The following ZFPL1 variants were observed in gnomAD, a reference collection of about 807,000 sequenced individuals.
ZFPL1 encodes the protein zinc finger protein like 1.
In ZFPL1, 28 loss-of-function variants were observed where a neutral mutation model predicts 32.0. The observed-to-expected ratio is 0.87, with a 90% CI of 0.65 to 1.20. ZFPL1 has a LOEUF of 1.20. Ranked by LOEUF, ZFPL1 falls within the 50% of genes most tolerant of loss-of-function variation. ZFPL1 has a pLI of 0.00. For synonymous variants in ZFPL1, 165 were observed against 177.0 expected, an observed-to-expected ratio of 0.93 and a Z score of 0.54; for missense variants, 386 against 424.8, an observed-to-expected ratio of 0.91 and a Z score of 0.80.
At position 65,086,522 on chromosome 11, in the gene ZFPL1, A is replaced by G. The variant is rs774117167; in HGVS notation, c.322A>G (p.Thr108Ala). The change falls in exon 4 of 8, where the codon ACC becomes GCC. Residue 108 changes from threonine to alanine, a missense_variant. Physicochemically the swap from Thr to Ala is moderately conservative, Grantham distance 58. Transcript: ENST00000294258. ...PSCNGPIFPP[T>A]NLAGPVASAL... Reference sequence around the variant, plus strand: ...CTGCAATGGCCCCATCTTCCCCCCAACCAACCTGGCTGGCCCCGTGGCCTC... The same window carrying G: ...CTGCAATGGCCCCATCTTCCCCCCAGCCAACCTGGCTGGCCCCGTGGCCTC... 9 of 1,613,758 alleles carry G rather than the reference A, an allele frequency of 5.6e-6. No individual in the cohort carries two copies. Among genetic ancestry groups the G allele is most frequent in the Middle Eastern group, 1.6e-4 (1 of 6,082 alleles).
At chr11:65,084,595 G>A in intron 1 of ZFPL1, 96 bp from the exon 2 acceptor site, 9 of 961,102 alleles carry the variant, frequency 9.4e-6, no homozygotes, top group Non-Finnish European at 1.5e-5. Context: ...GAATATGAGA[G>A]GTGTCTGGGG....
chr11:65,086,538 CCGTG>C lies in ZFPL1; in HGVS notation c.339_342del (p.Val114ProfsTer4), dbSNP rs1304928810. The C allele has an allele frequency of 6.2e-7, 1 of 1,614,162 alleles. No individual in the cohort carries two copies. The highest frequency in any genetic ancestry group is 1.3e-5 in the African/African-American group (1 of 75,064). On this transcript the variant is annotated frameshift_variant, in exon 4 of 8. Transcript: ENST00000294258. LOFTEE classifies it high-confidence loss of function. ...TTCCCCCCAACCAACCTGGCTGGCC[CCGTG>C]GCCTCCGCACTGAGAGAGAAGCTGG...
chr11:65,084,693 T>C lies in ZFPL1; in HGVS notation c.-6T>C. 2 of 1,613,904 alleles carry C rather than the reference T, an allele frequency of 1.2e-6. No individual in the cohort carries two copies. Among genetic ancestry groups the C allele is most frequent in the Non-Finnish European group, 1.7e-6 (2 of 1,179,922 alleles). Reference sequence around the variant, plus strand: ...ACCAACTCATGCCCCTTTCCCAGGATCGATCATGGGGCTTTGTAAGTGCCC... The same window carrying C: ...ACCAACTCATGCCCCTTTCCCAGGACCGATCATGGGGCTTTGTAAGTGCCC... On this transcript the variant is annotated splice_region_variant and 5_prime_UTR_variant, in exon 2 of 8. Transcript: ENST00000294258.
At chr11:65,087,578 T>C (rs1003098812) in intron 7 of ZFPL1, 145 bp downstream of exon 7, 8 of 761,588 alleles carry the variant, frequency 1.1e-5, no homozygotes, top group Non-Finnish European at 1.7e-5. Flanking sequence ...CAGAGAGGCC[T>C]TGGCTGTGCA....
chr11:65,087,805 A>G, intron 7 of ZFPL1, 123 bp from the exon 8 acceptor site: 1 of 1,051,362 alleles, frequency 9.5e-7, no homozygotes, highest in Non-Finnish European at 1.3e-6. Flanking sequence ...TGCAGGAGTG[A>G]TCATCCCTGA....
intron 6 of ZFPL1, 88 bp from the exon 7 acceptor site, chr11:65,087,228 A>G (rs556741536): frequency 6.4e-7 from 1 of 1,562,312 alleles, no homozygotes; most frequent in Admixed American, 1.7e-5. Context: ...ATGTTCTGTC[A>G]GACTGAGGAG....
Position 65,085,826 on chromosome 11 carries a change from G to A in ZFPL1, c.215-589G>A, listed in dbSNP as rs778478005. ...TGTTAGTGTGTTGATCTGTACTTGG[G>A]GTGAATGAATGGGTAAATGTATGTA... is the stretch of plus-strand genomic sequence containing the variant. On this transcript the variant is annotated intron_variant, in intron 3 of 7. Transcript: ENST00000294258. 79 of 196,148 alleles carry A rather than the reference G, an allele frequency of 4.0e-4. 1 individual carries two copies. The highest frequency in any genetic ancestry group is 5.3e-5 in the Admixed American group (1 of 18,856). 12.2% of individuals were successfully genotyped at this position (196,148 alleles called of 1,614,324 possible).
In ZFPL1 at chr11:65,086,419, C is replaced by T; in HGVS notation, c.219C>T (p.Leu73=). ...CCCTGTCTCATGGGCCCTAAGATCT[C>T]TTTCACTGGGCCTGCCTCAATGAAC... ...RETTRLVCYD[L]FHWACLNERA... is the part of the protein sequence containing the mutation. Residue 73 remains leucine (L), a synonymous_variant, in exon 4 of 8, where the codon CTC becomes CTT. Transcript: ENST00000294258. 1 of 1,614,114 alleles carries T rather than the reference C, an allele frequency of 6.2e-7. No individual in the cohort carries two copies. The highest frequency in any genetic ancestry group is 8.5e-7 in the Non-Finnish European group (1 of 1,180,036).
In ZFPL1 at chr11:65,087,309, C is replaced by T; in HGVS notation, c.629-7C>T. 3 of 1,612,442 alleles carry T rather than the reference C, an allele frequency of 1.9e-6. No individual in the cohort carries two copies. Among genetic ancestry groups the T allele is most frequent in the African/African-American group, 1.3e-5 (1 of 74,998 alleles). The stretch of plus-strand genomic sequence containing the variant: ...AGTCTATTGATGCTAGTGGCTCCAC[C>T]CTGTAGCCCCTAGGAAGGTGTATGA... On this transcript the variant is annotated splice_polypyrimidine_tract_variant and splice_region_variant and intron_variant, in intron 6 of 7. Coordinates refer to ENST00000294258, the MANE Select transcript of ZFPL1 (RefSeq NM_006782.4).
intron 3 of ZFPL1, 81 bp from the exon 4 acceptor site, chr11:65,086,334 G>C (rs1426312481): frequency 6.5e-7 from 1 of 1,539,122 alleles, no homozygotes; most frequent in Non-Finnish European, 9.0e-7. Flanking sequence ...GTCCTGCAAT[G>C]GTCTGGGGAC....
In ZFPL1 at chr11:65,087,924, C is replaced by G. The variant is rs779724619; in HGVS notation, c.747-4C>G. 1.9e-5 allele frequency: 30 copies of G among 1,556,066 alleles called. No individual in the cohort carries two copies. The South Asian group carries it at 2.7e-4, about 14-fold the overall frequency. On this transcript the variant is annotated splice_polypyrimidine_tract_variant and splice_region_variant and intron_variant, in intron 7 of 7. Transcript: ENST00000294258. ...CTGACCTGATTTTCCCCTCATCCCC[C>G]CAGGAGCCGGGCTGGGTCTCGGAAG...
At chr11:65,087,116 G>T in intron 6 of ZFPL1, 42 bp downstream of exon 6, 4 of 1,595,698 alleles carry the variant, frequency 2.5e-6, no homozygotes, top group Middle Eastern at 3.3e-4. Flanking sequence ...GATAGGAAGA[G>T]GGTGGAATGG....
intron 3 of ZFPL1, 47 bp downstream of exon 3, chr11:65,085,273 G>C: frequency 6.4e-7 from 1 of 1,557,820 alleles, no homozygotes; most frequent in Non-Finnish European, 8.8e-7. Context: ...TCAGGGGCCA[G>C]CTTGGTGACT....
Position 65,085,165 on chromosome 11 carries a change from C to T in ZFPL1, c.153C>T (p.Pro51=), listed in dbSNP as rs575132067. 1.6e-4 allele frequency: 257 copies of T among 1,614,160 alleles called. 4 individuals are homozygous for T. In the South Asian group the frequency reaches 2.6e-3, roughly 17 times the overall value. The change falls in exon 3 of 8, where the codon CCC becomes CCT. Residue 51 remains proline, a synonymous_variant. Transcript: ENST00000294258. The part of the protein sequence containing the change: ...LQWLQDSDYN[P]NCRLCNIPLA... ...GGCTCCAAGATAGCGACTACAACCC[C>T]AATTGCCGCCTGTGCAACATACCCC...
intron 3 of ZFPL1, chr11:65,085,715 G>A (rs1378414085): frequency 4.4e-6 from 1 of 226,226 alleles, no homozygotes; most frequent in African/African-American, 2.3e-5. Context: ...AGGAGCTCAT[G>A]CAAGAGTCAG....
intron 2 of ZFPL1, 69 bp downstream of exon 2, chr11:65,084,869 C>A: frequency 6.4e-7 from 1 of 1,558,284 alleles, no homozygotes; most frequent in Non-Finnish European, 8.8e-7. Flanking sequence ...TCCTCCAAAT[C>A]CATGAGGGGC....
chr11:65,086,177 C>T (rs1947677559), intron 3 of ZFPL1: 4 of 598,124 alleles, frequency 6.7e-6, no homozygotes, highest in East Asian at 2.8e-5. Flanking sequence ...GGGGAGGTGG[C>T]GTTTTCTTCC....
Position 65,086,519 on chromosome 11 carries a change from C to G in ZFPL1, c.319C>G (p.Pro107Ala), listed in dbSNP as rs748829812. 24 of 1,614,006 alleles carry G rather than the reference C, an allele frequency of 1.5e-5. No individual in the cohort carries two copies. Among genetic ancestry groups the G allele is most frequent in the Middle Eastern group, 1.6e-4 (1 of 6,084 alleles). Reference protein sequence around the residue: ...CPSCNGPIFPPTNLAGPVASA... With the variant: ...CPSCNGPIFPATNLAGPVASA... ...CAGCTGCAATGGCCCCATCTTCCCC[C>G]CAACCAACCTGGCTGGCCCCGTGGC... The change falls in exon 4 of 8, where the codon CCA becomes GCA. Residue 107 changes from proline (P) to alanine (A), a missense_variant. Pro to Ala is a conservative substitution (Grantham distance 27). Transcript: ENST00000294258.
At chr11:65,086,687 A>T (rs371196475) in intron 4 of ZFPL1, 33 bp from the exon 5 acceptor site, 1 of 1,614,136 alleles carries the variant, frequency 6.2e-7, no homozygotes, top group Non-Finnish European at 8.5e-7. Context: ...GGACAATACT[A>T]GGCAGCCTGG....
Sources: gnomAD v4.1 joint callset for allele counts on GRCh38, gnomAD v4.1.1 for gene constraint, MANE v1.5 for transcripts, NCBI Gene and HGNC (gene_info 2026-07-23, HGNC 2026-07-21) for gene names.